GPC6: variants seen among roughly 807,000 people sequenced by gnomAD.
GPC6 encodes glypican 6.
A neutral mutation model predicts 55.2 loss-of-function variants in GPC6; 14 were observed. The ratio of observed to expected loss-of-function variants is 0.25; its 90% confidence interval spans 0.17 to 0.40. The LOEUF (loss-of-function observed/expected upper bound fraction) is 0.40, where lower values mean the gene tolerates loss of function less well. GPC6 is among the 10% of genes least tolerant of loss of function. GPC6 has a pLI of 1.00. For missense variants in GPC6, 641 were observed against 708.5 expected (o/e 0.90, Z 1.08); for synonymous variants, 278 against 259.6 (o/e 1.07, Z -0.68).
intron 4 of GPC6, among the ~76,000 whole-genome samples, chr13:94,086,029 CTCTTTTTT>C (rs1011019103): frequency 4.6e-5 from 7 of 152,044 alleles, no homozygotes; most frequent in Non-Finnish European, 7.4e-5. Flanking sequence ...ATGTTCTTTT[CTCTTTTTT>C]TCTTTTTTTC....
intron 1 of GPC6, among the ~76,000 whole-genome samples, chr13:93,400,744 A>C (rs990119682): frequency 5.3e-5 from 8 of 152,184 alleles, no homozygotes; most frequent in Non-Finnish European, 1.2e-4. Flanking sequence ...AAAAATTAAA[A>C]ATTAAAAACT....
intron 1 of GPC6, among the ~76,000 whole-genome samples, chr13:93,297,348 T>A (rs1878530007): frequency 6.6e-6 from 1 of 152,166 alleles, no homozygotes; most frequent in Non-Finnish European, 1.5e-5. Context: ...CATGTGGGGC[T>A]TAATACCCAG....
At chr13:93,278,844 C>G (rs1333180440) in intron 1 of GPC6, among the ~76,000 whole-genome samples, 2 of 151,828 alleles carry the variant, frequency 1.3e-5, no homozygotes, top group Non-Finnish European at 2.9e-5. Context: ...GCTACTCTTG[C>G]CACAAAAACA....
rs1180991163 is a variant in GPC6 at position 94,282,847 on chromosome 13, A to G, written c.878-3502A>G. ...AAACTGGCAGAATGTCACTTCAACC[A>G]TATGCTGTTAGTCATAAGAGTCACT... On this transcript the variant is annotated intron_variant, in intron 4 of 8. Transcript: ENST00000377047. 2.6e-5 allele frequency among the ~76,000 whole-genome samples: 4 copies of G among 152,236 alleles called. No individual in the cohort carries two copies. The East Asian group carries it at 5.8e-4, about 22-fold the overall frequency.
At chr13:94,095,274 T>C (rs1378840649) in intron 4 of GPC6, among the ~76,000 whole-genome samples, 1 of 152,072 alleles carries the variant, frequency 6.6e-6, no homozygotes, top group Non-Finnish European at 1.5e-5. Context: ...AAAGGTGAGG[T>C]TGGGAATTAT....
At chr13:93,656,176 A>C (rs1359678316) in intron 2 of GPC6, among the ~76,000 whole-genome samples, 1 of 152,164 alleles carries the variant, frequency 6.6e-6, no homozygotes, top group East Asian at 1.9e-4. Flanking sequence ...AAATTATTTC[A>C]GCTAATTTTG....
chr13:94,235,839 G>A (rs1890862010), intron 4 of GPC6, among the ~76,000 whole-genome samples: 1 of 152,174 alleles, frequency 6.6e-6, no homozygotes. Context: ...GCAGATTTGA[G>A]ATGTTAATAA....
At chr13:93,243,982 G>A (rs1050090218) in intron 1 of GPC6, among the ~76,000 whole-genome samples, 7 of 151,988 alleles carry the variant, frequency 4.6e-5, no homozygotes, top group Admixed American at 1.3e-4. Context: ...AAAAGGCCCT[G>A]TCTGTGTTCT....
At chr13:94,030,229 T>C (rs1883072462) in intron 4 of GPC6, among the ~76,000 whole-genome samples, 1 of 152,104 alleles carries the variant, frequency 6.6e-6, no homozygotes, top group Admixed American at 6.5e-5. Context: ...CAGGATGGTC[T>C]CGATTTCCTG....
rs924101831 is a variant in GPC6 at position 93,840,931 on chromosome 13, C to T, written c.711+10386C>T. Among the ~76,000 whole-genome samples, 14 of 152,260 alleles carry T rather than the reference C, an allele frequency of 9.2e-5. No individual in the cohort carries two copies. The Middle Eastern group carries it at 0.01, about 111-fold the overall frequency. On this transcript the variant is annotated intron_variant, in intron 3 of 8. Transcript: ENST00000377047. ...AGAAAAATGAACCTGACGTTTATCC[C>T]AGTCTCAATGCTGCCCATTTTTGGA... is the stretch of plus-strand genomic sequence containing the variant.
intron 2 of GPC6, among the ~76,000 whole-genome samples, chr13:93,636,053 T>C (rs1349037236): frequency 6.6e-6 from 1 of 152,074 alleles, no homozygotes; most frequent in Non-Finnish European, 1.5e-5. Flanking sequence ...ACTGACATAT[T>C]CCTAGGATAG....
intron 6 of GPC6, 104 bp from the exon 7 acceptor site, chr13:94,382,309 TG>T: frequency 8.5e-7 from 1 of 1,172,984 alleles, no homozygotes; most frequent in Non-Finnish European, 1.3e-6. Context: ...GAGTTCCTGC[TG>T]GTCATATCAC....
intron 4 of GPC6, 114 bp downstream of exon 4, chr13:94,028,008 T>A: frequency 1.0e-6 from 1 of 982,914 alleles, no homozygotes; most frequent in African/African-American, 1.6e-5. Flanking sequence ...TTCACATCTG[T>A]AATCCCAGCA....
At chr13:94,247,596 A>G (rs1056734922) in intron 4 of GPC6, among the ~76,000 whole-genome samples, 1 of 152,138 alleles carries the variant, frequency 6.6e-6, no homozygotes, top group Non-Finnish European at 1.5e-5. Context: ...TTCTGTGTCC[A>G]TTGATATGAT....
At chr13:93,496,468 G>C (rs1393795094) in intron 1 of GPC6, among the ~76,000 whole-genome samples, 2 of 152,194 alleles carry the variant, frequency 1.3e-5, no homozygotes, top group African/African-American at 2.4e-5. Flanking sequence ...GAAATCACCC[G>C]TCTTCTGCGT....
intron 3 of GPC6, among the ~76,000 whole-genome samples, chr13:93,832,122 A>AATATATATATATATATAT: frequency 0.025 from 300 of 11,978 alleles, 1 homozygote; most frequent in Non-Finnish European, 0.029. Context: ...AAAAAAAAAA[A>AATATATATATATATATAT]ATATATATAT....
chr13:94,156,552 C>G (rs1206353149), intron 4 of GPC6, among the ~76,000 whole-genome samples: 1 of 152,158 alleles, frequency 6.6e-6, no homozygotes, highest in Non-Finnish European at 1.5e-5. Context: ...TGTGATAGTA[C>G]TGTTGGACAC....
chr13:93,507,260 T>C (rs1460321870), intron 1 of GPC6, among the ~76,000 whole-genome samples: 1 of 152,094 alleles, frequency 6.6e-6, no homozygotes, highest in South Asian at 2.1e-4. Context: ...ACTTAATAGA[T>C]CACATCGAGA....
intron 4 of GPC6, among the ~76,000 whole-genome samples, chr13:94,272,467 T>C (rs1362551595): frequency 2.2e-5 from 2 of 88,898 alleles, no homozygotes; most frequent in East Asian, 3.6e-4. Context: ...TCTTTTCTTT[T>C]TTTTTTTTTT....
Sources: allele counts gnomAD v4.1 joint callset (sites outside exome capture counted in the v4.1 genomes callset), GRCh38; gene constraint gnomAD v4.1.1; transcripts MANE v1.5; gene names NCBI Gene and HGNC (gene_info 2026-07-23, HGNC 2026-07-21).